The following ZNF616 variants were observed in gnomAD, a reference collection of about 807,000 sequenced individuals.
ZNF616 encodes the protein zinc finger protein 616.
Under a neutral mutation model 7.6 loss-of-function variants are expected in ZNF616, and 5 were observed. The ratio of observed to expected loss-of-function variants is 0.66; its 90% CI spans 0.34 to 1.38. The LOEUF is 1.38. Ranked by LOEUF, ZNF616 falls within the 40% of genes most tolerant of loss-of-function variation. The probability of loss-of-function intolerance (pLI) is 0.04; values close to 1 mark genes in which losing one functional copy is unlikely to be tolerated. For missense variants in ZNF616, 913 were observed against 948.3 expected (o/e 0.96, Z 0.49); for synonymous variants, 319 against 317.2 (o/e 1.01, Z -0.06).
At chr19:52,123,442 G>T (rs1568560293) in intron 3 of ZNF616, among the ~76,000 whole-genome samples, 1 of 152,078 alleles carries the variant, frequency 6.6e-6, no homozygotes, top group South Asian at 2.1e-4. Flanking sequence ...TTGAGCCCAT[G>T]AGTTCAAGAG....
Position 52,116,460 on chromosome 19 carries a change from T to C in ZNF616, c.704A>G (p.His235Arg), listed in dbSNP as rs1304418564. Reference sequence around the variant, plus strand: ...ACATTGATATGATTTCCCTCTTGTATGGACTACCTTGTGTACAGTTAGTAG... The same window carrying C: ...ACATTGATATGATTTCCCTCTTGTACGGACTACCTTGTGTACAGTTAGTAG... ...ASLLTVHKVV[H>R]TRGKSYQCDV... Residue 235 changes from histidine to arginine, a missense_variant, in exon 4 of 4, where the codon CAT becomes CGT. His to Arg is a conservative substitution (Grantham distance 29). Transcript: ENST00000600228. The C allele has an allele frequency of 2.5e-6, 4 of 1,613,988 alleles. No homozygotes were observed. Among genetic ancestry groups the C allele is most frequent in the African/African-American group, 1.3e-5 (1 of 74,930 alleles).
At position 52,127,661 on chromosome 19, in the gene ZNF616, G is replaced by A. The variant is rs562584841; in HGVS notation, c.12+2840C>T. Among the ~76,000 whole-genome samples the A allele has an allele frequency of 1.3e-4, 20 of 152,238 alleles. No homozygotes were observed. In the South Asian group the frequency reaches 3.5e-3, roughly 27 times the overall value. On this transcript the variant is annotated intron_variant, in intron 2 of 3. Coordinates refer to ENST00000600228, the MANE Select transcript of ZNF616 (RefSeq NM_178523.5). ...TTTATTTTTGCTTTTGTGGTATAGC[G>A]TCCTAACAGAAGCAACCACTCTTTA...
At position 52,116,476 on chromosome 19, in the gene ZNF616, C is replaced by T; in HGVS notation, c.688G>A (p.Val230Ile). Residue 230 changes from valine (V) to isoleucine (I), a missense_variant, in exon 4 of 4, where the codon GTA becomes ATA. By Grantham distance (29) the Val-to-Ile change is conservative (BLOSUM62 3). Transcript: ENST00000600228. ...KAFHRASLLT[V>I]HKVVHTRGKS... The stretch of plus-strand genomic sequence containing the variant: ...CCTCTTGTATGGACTACCTTGTGTA[C>T]AGTTAGTAGTGAGGCCCGATGAAAG... 6.2e-7 allele frequency: 1 copy of T among 1,614,062 alleles called. No individual in the cohort carries two copies.
chr19:52,132,655 G>A (rs890428815), intron 1 of ZNF616, among the ~76,000 whole-genome samples: 2 of 152,152 alleles, frequency 1.3e-5, no homozygotes, highest in African/African-American at 2.4e-5. Flanking sequence ...CACGTGAGAC[G>A]CCTGTTCCTA....
intron 1 of ZNF616, among the ~76,000 whole-genome samples, chr19:52,137,074 T>TATATATATATAC (rs1491194803): frequency 7.0e-6 from 1 of 142,796 alleles, no homozygotes; most frequent in African/African-American, 2.6e-5. Context: ...TATATATATA[T>TATATATATATAC]ACAGAGTGTG....
In ZNF616 at chr19:52,113,766, T is replaced by G. The variant is rs1023298987; in HGVS notation, c.*1052A>C. The G allele has an allele frequency of 6.6e-6, 1 of 152,162 alleles. No individual in the cohort carries two copies. Among genetic ancestry groups the G allele is most frequent in the Non-Finnish European group, 1.5e-5 (1 of 68,032 alleles). The allele number at this position is 152,162 out of a possible 1,614,324, so 9.4% of individuals were successfully genotyped here. A position where few individuals can be genotyped will look rare whatever the true frequency, so the allele number is the denominator to read the frequency against. On this transcript the variant is annotated 3_prime_UTR_variant, in exon 4 of 4. Coordinates refer to ENST00000600228, the MANE Select transcript of ZNF616 (RefSeq NM_178523.5). Reference sequence around the variant, plus strand: ...CTGAGGATAATGGCTTCCAGCTCCATCCACATCGCTGCAATGGACATGATC... The same window carrying G: ...CTGAGGATAATGGCTTCCAGCTCCAGCCACATCGCTGCAATGGACATGATC...
intron 3 of ZNF616, 50 bp downstream of exon 3, chr19:52,123,873 C>G (rs1384792303): frequency 1.2e-6 from 2 of 1,610,790 alleles, no homozygotes; most frequent in South Asian, 1.1e-5. Flanking sequence ...AGAGGAAATA[C>G]AAAAATGCAC....
In ZNF616 at chr19:52,115,331, G is replaced by T; in HGVS notation, c.1833C>A (p.Gly611=). 6.2e-7 allele frequency: 1 copy of T among 1,614,120 alleles called. No homozygotes were observed. The highest frequency in any genetic ancestry group is 8.5e-7 in the Non-Finnish European group (1 of 1,180,020). The change falls in exon 4 of 4, where the codon GGC becomes GGA. Residue 611 remains glycine (G), a synonymous_variant. Transcript: ENST00000600228. ...GTGTGGAGCCCTGATTAAAGGCTTTGCCACATTCATGACATTTGTATGGTT... is the reference window on the plus strand; with the variant it reads ...GTGTGGAGCCCTGATTAAAGGCTTTTCCACATTCATGACATTTGTATGGTT... ...GEKPYKCHEC[G]KAFNQGSTLN...
Position 52,122,728 on chromosome 19 carries a change from G to A in ZNF616, c.139+1195C>T, listed in dbSNP as rs767719278. Reference sequence around the variant, plus strand: ...CTGCTCACTGCAAGCTCCGCCTCCCGGGTTCATGCCATTCTCCTGCCTCTG... The same window carrying A: ...CTGCTCACTGCAAGCTCCGCCTCCCAGGTTCATGCCATTCTCCTGCCTCTG... On this transcript the variant is annotated intron_variant, in intron 3 of 3. Coordinates refer to ENST00000600228, the MANE Select transcript of ZNF616 (RefSeq NM_178523.5). Among the ~76,000 whole-genome samples the A allele has an allele frequency of 2.1e-4, 32 of 150,084 alleles. No homozygotes were observed. In the South Asian group the frequency reaches 4.0e-3, roughly 19 times the overall value.
intron 1 of ZNF616, among the ~76,000 whole-genome samples, chr19:52,132,748 C>T (rs1568562946): frequency 6.6e-6 from 1 of 152,170 alleles, no homozygotes; most frequent in African/African-American, 2.4e-5. Flanking sequence ...GCCTGCAGAA[C>T]TGTGAGCCAA....
chr19:52,137,074 T>TATATATAC (rs1491194803), intron 1 of ZNF616, among the ~76,000 whole-genome samples: 2 of 142,844 alleles, frequency 1.4e-5, no homozygotes, highest in Non-Finnish European at 1.5e-5. Context: ...TATATATATA[T>TATATATAC]ACAGAGTGTG....
At chr19:52,120,937 G>A (rs866640102) in intron 3 of ZNF616, among the ~76,000 whole-genome samples, 2 of 152,312 alleles carry the variant, frequency 1.3e-5, no homozygotes, top group Middle Eastern at 3.4e-3. Flanking sequence ...TAAACTATAC[G>A]TTAAATTGGA....
At chr19:52,134,991 A>G (rs1423823390) in intron 1 of ZNF616, among the ~76,000 whole-genome samples, 1 of 152,204 alleles carries the variant, frequency 6.6e-6, no homozygotes. Context: ...GGACAGTCCC[A>G]GTTGAAATCT....
chr19:52,127,574 TA>T (rs1484944164), intron 2 of ZNF616, among the ~76,000 whole-genome samples: 1 of 152,156 alleles, frequency 6.6e-6, no homozygotes, highest in African/African-American at 2.4e-5. Flanking sequence ...TATTAGATCT[TA>T]AAAAAACACA....
In ZNF616 at chr19:52,113,392, G is replaced by C. The variant is rs1183974767; in HGVS notation, c.*1426C>G. ...CTGCTTCCAGGTCCTTTCATGTTCA[G>C]CATACTTACAGGATTTTTCTCCTTT... On this transcript the variant is annotated 3_prime_UTR_variant, in exon 4 of 4. Transcript: ENST00000600228. The C allele has an allele frequency of 6.6e-6, 1 of 152,156 alleles. No homozygotes were observed. Among genetic ancestry groups the C allele is most frequent in the Non-Finnish European group, 1.5e-5 (1 of 68,040 alleles). The allele number at this position is 152,156 out of a possible 1,614,324, so 9.4% of individuals were successfully genotyped here.
Position 52,114,926 on chromosome 19 carries a change from T to C in ZNF616, c.2238A>G (p.Lys746=), listed in dbSNP as rs751491434. 6.2e-7 allele frequency: 1 copy of C among 1,614,144 alleles called. No homozygotes were observed. The highest frequency in any genetic ancestry group is 8.5e-7 in the Non-Finnish European group (1 of 1,180,026). Reference sequence around the variant, plus strand: ...TAAAAGATTTCCCACACTCATTACATTTATAAGGTTTTTTGCCAGAATGAA... The same window carrying C: ...TAAAAGATTTCCCACACTCATTACACTTATAAGGTTTTTTGCCAGAATGAA... ...QRIHSGKKPY[K]CNECGKSFIC... The change falls in exon 4 of 4, where the codon AAA becomes AAG. Residue 746 remains lysine, a synonymous_variant. Transcript: ENST00000600228.
rs1289672708 is a variant in ZNF616, at chr19:52,116,907, T to C, written c.257A>G (p.Tyr86Cys). 6 of 1,613,914 alleles carry C rather than the reference T, an allele frequency of 3.7e-6. No individual in the cohort carries two copies. The South Asian group carries it at 6.6e-5, about 18-fold the overall frequency. Reference sequence around the variant, plus strand: ...TAGATGTTTCTGTATTTCCCTGAAGTATAAATTTTCAATATCATAGCTTTG... The same window carrying C: ...TAGATGTTTCTGTATTTCCCTGAAGCATAAATTTTCAATATCATAGCTTTG... ...RHQSYDIENL[Y>C]FREIQKHLHD... Residue 86 changes from tyrosine to cysteine, a missense_variant, in exon 4 of 4, where the codon TAC (tyrosine) becomes TGC (cysteine). Transcript: ENST00000600228.
At chr19:52,132,967 G>A (rs1372249172) in intron 1 of ZNF616, among the ~76,000 whole-genome samples, 2 of 152,188 alleles carry the variant, frequency 1.3e-5, no homozygotes, top group Non-Finnish European at 2.9e-5. Flanking sequence ...AGCAGCAGAG[G>A]AAAATGGTCA....
chr19:52,120,602 T>C (rs994132502), intron 3 of ZNF616, among the ~76,000 whole-genome samples: 1 of 152,162 alleles, frequency 6.6e-6, no homozygotes, highest in Non-Finnish European at 1.5e-5. Context: ...ACACGCAGGC[T>C]GAATTGAAAG....
Sources: allele counts gnomAD v4.1 joint callset (sites outside exome capture counted in the v4.1 genomes callset), GRCh38; gene constraint gnomAD v4.1.1; transcripts MANE v1.5; gene names NCBI Gene and HGNC (gene_info 2026-07-23, HGNC 2026-07-21).